GPC5: variants seen among roughly 807,000 people sequenced by gnomAD.
GPC5 encodes the protein glypican 5, also known as glypican-5.
GPC5 carries 47 observed loss-of-function variants against 53.9 expected under a neutral mutation model. That is an observed-to-expected ratio of 0.87 (90% CI 0.69 to 1.11). The LOEUF (loss-of-function observed/expected upper bound fraction) is 1.11, where lower values mean the gene tolerates loss of function less well. Ranked by LOEUF, GPC5 falls within the 50% of genes most tolerant of loss-of-function variation. The probability of loss-of-function intolerance (pLI) is 0.00; values close to 1 mark genes in which losing one functional copy is unlikely to be tolerated. For missense variants in GPC5, 748 were observed against 713.1 expected (o/e 1.05, Z -0.56); for synonymous variants, 286 against 263.3 (o/e 1.09, Z -0.84).
chr13:92,110,948 C>G (rs2041551932), intron 6 of GPC5, among the ~76,000 whole-genome samples: 1 of 152,106 alleles, frequency 6.6e-6, no homozygotes, highest in African/African-American at 2.4e-5. Context: ...TAGTCAAAAA[C>G]TTGTATGTAT....
intron 7 of GPC5, among the ~76,000 whole-genome samples, chr13:92,483,183 G>A (rs775939675): frequency 1.6e-4 from 24 of 152,138 alleles, no homozygotes; most frequent in Non-Finnish European, 3.1e-4. Context: ...ATTTGGGTGA[G>A]GACACAGCCA....
intron 6 of GPC5, among the ~76,000 whole-genome samples, chr13:92,103,824 T>A (rs1369744458): frequency 6.6e-6 from 1 of 152,156 alleles, no homozygotes; most frequent in African/African-American, 2.4e-5. Flanking sequence ...CAAAGAGAGA[T>A]TACGATTCTC....
intron 2 of GPC5, among the ~76,000 whole-genome samples, chr13:91,582,543 A>G (rs540808501): frequency 1.3e-5 from 2 of 152,338 alleles, no homozygotes; most frequent in East Asian, 3.9e-4. Flanking sequence ...ACAAACTTGA[A>G]AAAAATGATG....
intron 3 of GPC5, among the ~76,000 whole-genome samples, chr13:91,703,254 G>C (rs903365412): frequency 1.3e-5 from 2 of 152,040 alleles, no homozygotes; most frequent in Admixed American, 1.3e-4. Context: ...TCCTCTTCCT[G>C]ATCTTAGAGG....
At chr13:91,696,179 T>A in intron 3 of GPC5, among the ~76,000 whole-genome samples, 1 of 152,334 alleles carries the variant, frequency 6.6e-6, no homozygotes, top group Middle Eastern at 3.4e-3. Flanking sequence ...AGCAGGTGAC[T>A]TTAGTATCTC....
At chr13:92,815,356 G>A (rs1877432956) in intron 7 of GPC5, among the ~76,000 whole-genome samples, 1 of 151,970 alleles carries the variant, frequency 6.6e-6, no homozygotes, top group Non-Finnish European at 1.5e-5. Flanking sequence ...AAGACATAGA[G>A]GAGAGCCTGC....
At chr13:91,920,251 A>G (rs544851187) in intron 6 of GPC5, among the ~76,000 whole-genome samples, 1 of 152,294 alleles carries the variant, frequency 6.6e-6, no homozygotes, top group Non-Finnish European at 1.5e-5. Context: ...CTTCCAAAGA[A>G]TCAATAAGAA....
rs1427682886 is a variant in GPC5, at chr13:92,445,740, A to G, written c.1561+300751A>G. Among the ~76,000 whole-genome samples the G allele has an allele frequency of 5.9e-5, 9 of 151,850 alleles. No homozygotes were observed. In the East Asian group the frequency reaches 1.5e-3, roughly 26 times the overall value. ...TTGTTGGACGTTTGGGTTGGTTCCA[A>G]GTCTTTGCTATCGTGAATAATGCCG... is the stretch of plus-strand genomic sequence containing the variant. On this transcript the variant is annotated intron_variant, in intron 7 of 7. Coordinates refer to ENST00000377067, the MANE Select transcript of GPC5 (RefSeq NM_004466.6).
At chr13:91,413,524 A>T (rs952989901) in intron 1 of GPC5, among the ~76,000 whole-genome samples, 1 of 152,254 alleles carries the variant, frequency 6.6e-6, no homozygotes, top group African/African-American at 2.4e-5. Flanking sequence ...TTCTTAAAAA[A>T]GATATTTAAA....
intron 7 of GPC5, among the ~76,000 whole-genome samples, chr13:92,471,059 T>C (rs1348417160): frequency 1.3e-5 from 2 of 152,206 alleles, no homozygotes; most frequent in Middle Eastern, 3.4e-3. Context: ...CCCCTCTCCA[T>C]GCAGCTGGGA....
chr13:91,584,830 C>T (rs1320854977), intron 2 of GPC5, among the ~76,000 whole-genome samples: 5 of 152,196 alleles, frequency 3.3e-5, no homozygotes, highest in Non-Finnish European at 5.9e-5. Context: ...TCTGCCCGCC[C>T]GGTCTCCCAA....
At chr13:92,425,420 G>A (rs117496915) in intron 7 of GPC5, among the ~76,000 whole-genome samples, 2,208 of 152,040 alleles carry the variant, frequency 0.015, 35 homozygotes, top group Non-Finnish European at 0.024. Context: ...TACATGCCAA[G>A]TACTAAGGAC....
chr13:92,178,282 A>C (rs2042122665), intron 7 of GPC5, among the ~76,000 whole-genome samples: 1 of 152,164 alleles, frequency 6.6e-6, no homozygotes, highest in African/African-American at 2.4e-5. Flanking sequence ...GCATGTCAGC[A>C]GATGTGGATA....
At position 92,452,563 on chromosome 13, in the gene GPC5, T is replaced by G. The variant is rs527945719; in HGVS notation, c.1561+307574T>G. On this transcript the variant is annotated intron_variant, in intron 7 of 7. Coordinates refer to ENST00000377067, the MANE Select transcript of GPC5 (RefSeq NM_004466.6). ...AAAAGCTACAAGGAAGGTATAATGATTACTCCAAAAAAAACAAAAAAAACA... is the reference window on the plus strand; with the variant it reads ...AAAAGCTACAAGGAAGGTATAATGAGTACTCCAAAAAAAACAAAAAAAACA... Among the ~76,000 whole-genome samples, 10 of 131,258 alleles carry G rather than the reference T, an allele frequency of 7.6e-5. No homozygotes were observed. The East Asian group carries it at 2.5e-3, about 33-fold the overall frequency. The allele number at this position is 131,258 out of a possible 152,430, so 86.1% of individuals were successfully genotyped here.
intron 7 of GPC5, among the ~76,000 whole-genome samples, chr13:92,520,232 C>A (rs1181630949): frequency 6.6e-6 from 1 of 152,152 alleles, no homozygotes; most frequent in Non-Finnish European, 1.5e-5. Flanking sequence ...CCTTCTGAAA[C>A]TATTCCAATC....
At chr13:91,763,279 C>T (rs546496556) in intron 5 of GPC5, among the ~76,000 whole-genome samples, 22 of 152,204 alleles carry the variant, frequency 1.4e-4, no homozygotes, top group African/African-American at 4.8e-4. Flanking sequence ...TTCTCCCCCC[C>T]GGACAACTTT....
At chr13:91,951,738 C>A (rs2040027630) in intron 6 of GPC5, among the ~76,000 whole-genome samples, 1 of 151,930 alleles carries the variant, frequency 6.6e-6, no homozygotes, top group Admixed American at 6.6e-5. Context: ...AGGTGTGTCT[C>A]CAAGGTAGAA....
chr13:92,674,624 T>A (rs1274895132), intron 7 of GPC5, among the ~76,000 whole-genome samples: 2 of 151,812 alleles, frequency 1.3e-5, no homozygotes, highest in Non-Finnish European at 1.5e-5. Context: ...GAGTGGCATA[T>A]CATCATACCA....
rs190188617 is a variant in GPC5, at chr13:91,862,940, C to T, written c.1281-44997C>T. Among the ~76,000 whole-genome samples, 9 of 151,652 alleles carry T rather than the reference C, an allele frequency of 5.9e-5. No homozygotes were observed. The East Asian group carries it at 1.7e-3, about 29-fold the overall frequency. On this transcript the variant is annotated intron_variant, in intron 5 of 7. Transcript: ENST00000377067. ...TTTTCTTCTTTCTTTTTTTCCTTTGCTTTGCTTCTCCTTCCTTTCCTCCTT... is the reference window on the plus strand; with the variant it reads ...TTTTCTTCTTTCTTTTTTTCCTTTGTTTTGCTTCTCCTTCCTTTCCTCCTT...
Sources: gnomAD v4.1 joint callset for allele counts (sites outside exome capture counted in the v4.1 genomes callset) on GRCh38, gnomAD v4.1.1 for gene constraint, MANE v1.5 for transcripts, NCBI Gene and HGNC (gene_info 2026-07-23, HGNC 2026-07-21) for gene names.